INPP5B: variants seen among roughly 807,000 people sequenced by gnomAD.
The protein encoded by INPP5B is inositol polyphosphate-5-phosphatase B, also known as type II inositol 1,4,5-trisphosphate 5-phosphatase.
Under a neutral mutation model 118.5 loss-of-function variants are expected in INPP5B, and 90 were observed. The ratio of observed to expected loss-of-function variants is 0.76; its 90% CI spans 0.64 to 0.90. The LOEUF is 0.90. Ranked by LOEUF, INPP5B falls within the 40% of genes least tolerant of loss-of-function variation. The pLI is 0.00. For missense variants in INPP5B, 984 were observed against 1,125.6 expected (o/e 0.87, Z 1.80); for synonymous variants, 385 against 418.9 (o/e 0.92, Z 0.99).
chr1:37,881,779 T>C (rs1312287973), intron 14 of INPP5B, among the ~76,000 whole-genome samples: 4 of 152,146 alleles, frequency 2.6e-5, no homozygotes, highest in Non-Finnish European at 5.9e-5. Flanking sequence ...AGAATCTTTT[T>C]CTTTAATTAA....
intron 7 of INPP5B, among the ~76,000 whole-genome samples, chr1:37,906,516 T>C (rs1474854107): frequency 6.6e-6 from 1 of 152,168 alleles, no homozygotes; most frequent in African/African-American, 2.4e-5. Context: ...GATTTGTCTT[T>C]AGTAAAAATG....
chr1:37,875,647 C>T lies in INPP5B; in HGVS notation c.1747G>A (p.Glu583Lys). 13 of 1,614,164 alleles carry T rather than the reference C, an allele frequency of 8.1e-6. No homozygotes were observed. Among genetic ancestry groups the T allele is most frequent in the Non-Finnish European group, 1.1e-5 (13 of 1,179,992 alleles). The change falls in exon 17 of 24, where the codon GAA (glutamate) becomes AAA (lysine). Residue 583 changes from glutamate (E) to lysine (K), a missense_variant. This residue lies in a region of INPP5B where 634 missense variants were observed against 791.0 expected (regional missense o/e 0.80). Coordinates refer to ENST00000373024, the MANE Select transcript of INPP5B (RefSeq NM_005540.3). The part of the protein sequence containing the change: ...EEIVRSLDKM[E>K]NANIPSVSLS... ...GACACAGAAGGAATGTTGGCATTTT[C>T]CATCTTATCCAGGGAGCGAACAATT... is the stretch of plus-strand genomic sequence containing the variant.
chr1:37,924,793 T>G (rs1229370808), intron 7 of INPP5B, among the ~76,000 whole-genome samples: 1 of 152,078 alleles, frequency 6.6e-6, no homozygotes, highest in African/African-American at 2.4e-5. Context: ...TGCCAGCACT[T>G]TGGGAGGCCA....
intron 13 of INPP5B, 56 bp from the exon 14 acceptor site, chr1:37,882,974 A>C (rs756716219): frequency 6.3e-7 from 1 of 1,592,974 alleles, no homozygotes. Flanking sequence ...AACCTGATCT[A>C]CCCAGGGTGC....
At chr1:37,871,391 G>A (rs1642425205) in intron 19 of INPP5B, among the ~76,000 whole-genome samples, 1 of 151,970 alleles carries the variant, frequency 6.6e-6, no homozygotes, top group Admixed American at 6.6e-5. Context: ...CTGGGAGGCA[G>A]AGGTTGCAGT....
intron 7 of INPP5B, among the ~76,000 whole-genome samples, chr1:37,904,891 A>T (rs959612764): frequency 8.6e-5 from 13 of 152,046 alleles, no homozygotes; most frequent in East Asian, 1.9e-4. Context: ...AAAAAAAAAA[A>T]TTTTAAAGGG....
chr1:37,913,954 T>A (rs1021489007), intron 7 of INPP5B, among the ~76,000 whole-genome samples: 2 of 152,102 alleles, frequency 1.3e-5, no homozygotes, highest in African/African-American at 2.4e-5. Context: ...TGATAGGATA[T>A]ATTCTACCCC....
At chr1:37,900,545 GC>G (rs1395240255) in intron 7 of INPP5B, among the ~76,000 whole-genome samples, 9 of 151,194 alleles carry the variant, frequency 6.0e-5, no homozygotes, top group Non-Finnish European at 1.3e-4. Flanking sequence ...GAGCCACTGC[GC>G]CCGGCTGAAC....
intron 7 of INPP5B, among the ~76,000 whole-genome samples, chr1:37,921,768 G>A (rs1645063320): frequency 6.6e-6 from 1 of 152,014 alleles, no homozygotes; most frequent in Non-Finnish European, 1.5e-5. Flanking sequence ...CTAGCACTTT[G>A]GGAAGCCAAG....
rs1047664002 is a variant in INPP5B, at chr1:37,943,549, CA to C, written c.280+90del. 6 of 1,383,598 alleles carry C rather than the reference CA, an allele frequency of 4.3e-6. No homozygotes were observed. In the African/African-American group the frequency reaches 8.6e-5, roughly 20 times the overall value. 85.7% of individuals were successfully genotyped at this position (1,383,598 alleles called of 1,614,324 possible). A position where few individuals can be genotyped will look rare whatever the true frequency, so the allele number is the denominator to read the frequency against. On this transcript the variant is annotated intron_variant, in intron 5 of 23. Transcript: ENST00000373024. Reference sequence around the variant, plus strand: ...GTCTTACTTGCTGCAATAAGTTTAGCAGGGGGTGCTCTTACTTTACACCATT... The same window carrying C: ...GTCTTACTTGCTGCAATAAGTTTAGCGGGGGTGCTCTTACTTTACACCATT...
rs1570436542 is a variant in INPP5B at position 37,945,903 on chromosome 1, C to A, written c.58-53G>T. ...CCCAGAGGCGAGGCCTCTCCCCACC[C>A]AGGCTGTCCCACCTTCCCTCTGTTC... is the stretch of plus-strand genomic sequence containing the variant. On this transcript the variant is annotated intron_variant, in intron 2 of 23. Transcript: ENST00000373024. 3.3e-6 allele frequency: 5 copies of A among 1,526,320 alleles called. No homozygotes were observed. The East Asian group carries it at 1.1e-4, about 35-fold the overall frequency. 94.5% of individuals were successfully genotyped at this position (1,526,320 alleles called of 1,614,324 possible).
At chr1:37,908,959 C>T (rs180923882) in intron 7 of INPP5B, among the ~76,000 whole-genome samples, 2 of 152,300 alleles carry the variant, frequency 1.3e-5, no homozygotes, top group Non-Finnish European at 1.5e-5. Context: ...TTCTCAAAAA[C>T]TTAAAACCTC....
chr1:37,873,473 C>G (rs530113153), intron 18 of INPP5B: 66 of 380,806 alleles, frequency 1.7e-4, no homozygotes, highest in African/African-American at 1.2e-3. Context: ...GATCAAAGAG[C>G]CTTCCCTGAG....
intron 7 of INPP5B, 51 bp downstream of exon 7, chr1:37,931,862 G>A (rs763153977): frequency 2.5e-6 from 4 of 1,610,694 alleles, no homozygotes; most frequent in South Asian, 1.1e-5. Flanking sequence ...CCCGCCCCCT[G>A]TGGCCGGGCC....
intron 13 of INPP5B, chr1:37,883,594 G>A (rs1643337653): frequency 1.0e-6 from 1 of 985,286 alleles, no homozygotes; most frequent in African/African-American, 1.7e-5. Flanking sequence ...CTGCACAGCA[G>A]TACACGCACA....
chr1:37,914,936 T>C (rs1052073338), intron 7 of INPP5B, among the ~76,000 whole-genome samples: 5 of 152,136 alleles, frequency 3.3e-5, no homozygotes, highest in Admixed American at 6.6e-5. Flanking sequence ...CTCAGTGTGA[T>C]TTTTCTGTGT....
In INPP5B at chr1:37,868,583, C is replaced by T; in HGVS notation, c.2219G>A (p.Gly740Glu). ...TTCCATGGGGCTATCCAACTGGCTC[C>T]CATCATCTCCAGTCCATACTGGCAT... ...TLMPVWTGDDGSQLDSPMEIP... is the reference protein window; with the variant it reads ...TLMPVWTGDDESQLDSPMEIP... The change falls in exon 20 of 24, where the codon GGG becomes GAG. Residue 740 changes from glycine to glutamate, a missense_variant. Transcript: ENST00000373024. The T allele has an allele frequency of 6.2e-7, 1 of 1,613,474 alleles. No homozygotes were observed. The highest frequency in any genetic ancestry group is 8.5e-7 in the Non-Finnish European group (1 of 1,179,438).
chr1:37,869,295 A>AT (rs1002131287), intron 19 of INPP5B, among the ~76,000 whole-genome samples: 12 of 142,716 alleles, frequency 8.4e-5, no homozygotes, highest in East Asian at 2.1e-4. Context: ...GCCCGGCCCG[A>AT]TTTTTTTTTT....
intron 15 of INPP5B, 85 bp from the exon 16 acceptor site, chr1:37,878,408 G>A: frequency 1.9e-6 from 3 of 1,558,628 alleles, no homozygotes; most frequent in Non-Finnish European, 2.6e-6. Context: ...GGTGGGGAGT[G>A]ATGAATCAGG....
Sources: gnomAD v4.1 joint callset for allele counts (sites outside exome capture counted in the v4.1 genomes callset) on GRCh38, gnomAD v4.1.1 for gene constraint, gnomAD v4.1.1 regional missense constraint, MANE v1.5 for transcripts, NCBI Gene and HGNC (gene_info 2026-07-23, HGNC 2026-07-21) for gene names.